Variants in ADAMTSL1 observed in about 807,000 individuals in gnomAD.
ADAMTSL1 encodes ADAMTS-like protein 1.
In ADAMTSL1, 126 loss-of-function variants were observed where a neutral mutation model predicts 201.8. The observed-to-expected ratio is 0.62, with a 90% confidence interval of 0.54 to 0.72. ADAMTSL1 has a LOEUF of 0.72. Among genes scored for constraint, ADAMTSL1 ranks in the 30% least tolerant of loss-of-function variants. ADAMTSL1 has a pLI of 0.00. For missense variants in ADAMTSL1, 2,679 were observed against 2,277.8 expected, an observed-to-expected ratio of 1.18 and a Z score of -3.59; for synonymous variants, 1,121 against 903.4, an observed-to-expected ratio of 1.24 and a Z score of -4.32.
intron 3 of ADAMTSL1, among the ~76,000 whole-genome samples, chr9:18,571,804 C>T (rs1380720279): frequency 6.6e-6 from 1 of 152,160 alleles, no homozygotes; most frequent in African/African-American, 2.4e-5. Context: ...AAGTGGAAGT[C>T]TTATCTTTGG....
intron 2 of ADAMTSL1, among the ~76,000 whole-genome samples, chr9:18,312,231 T>C (rs1162430658): frequency 1.3e-5 from 2 of 152,290 alleles, no homozygotes; most frequent in South Asian, 4.2e-4. Context: ...CTTGACTAGT[T>C]TATCATCTAG....
intron 16 of ADAMTSL1, among the ~76,000 whole-genome samples, chr9:18,762,426 G>A (rs1444474497): frequency 6.6e-6 from 1 of 152,070 alleles, no homozygotes; most frequent in Non-Finnish European, 1.5e-5. Context: ...TTTTGATACA[G>A]GCATGCAATG....
chr9:18,145,136 T>A (rs1300589854), intron 1 of ADAMTSL1, among the ~76,000 whole-genome samples: 1 of 152,166 alleles, frequency 6.6e-6, no homozygotes, highest in African/African-American at 2.4e-5. Flanking sequence ...AAACAACTCT[T>A]AGTGGCATTT....
chr9:18,224,056 C>G (rs1047640311), intron 2 of ADAMTSL1, among the ~76,000 whole-genome samples: 2 of 151,966 alleles, frequency 1.3e-5, no homozygotes, highest in South Asian at 2.1e-4. Flanking sequence ...TTTCCAGAAC[C>G]AAGCCAGAGC....
chr9:18,337,807 A>G (rs1835305829), intron 2 of ADAMTSL1, among the ~76,000 whole-genome samples: 1 of 152,204 alleles, frequency 6.6e-6, no homozygotes, highest in African/African-American at 2.4e-5. Flanking sequence ...TTGTATCTTC[A>G]AAGAGAGACA....
intron 7 of ADAMTSL1, among the ~76,000 whole-genome samples, chr9:18,641,145 C>T (rs1260457420): frequency 6.6e-6 from 1 of 152,020 alleles, no homozygotes; most frequent in Non-Finnish European, 1.5e-5. Flanking sequence ...GCTGTGCCCT[C>T]TACCTGGAAT....
intron 2 of ADAMTSL1, among the ~76,000 whole-genome samples, chr9:18,315,020 T>G (rs1299462714): frequency 2.0e-5 from 3 of 148,570 alleles, no homozygotes; most frequent in Admixed American, 1.3e-4. Flanking sequence ...ATGGTCTCGA[T>G]CTCCTGACCT....
At chr9:18,094,368 T>C (rs930454589) in intron 1 of ADAMTSL1, among the ~76,000 whole-genome samples, 2 of 152,218 alleles carry the variant, frequency 1.3e-5, no homozygotes, top group African/African-American at 4.8e-5. Flanking sequence ...TACCACTGTG[T>C]GGTTCACTGT....
At chr9:18,029,052 GCT>G (rs1820818769) in intron 1 of ADAMTSL1, among the ~76,000 whole-genome samples, 2 of 151,978 alleles carry the variant, frequency 1.3e-5, no homozygotes, top group South Asian at 4.2e-4. Context: ...TCATGATTTG[GCT>G]CTCTGTTTGT....
chr9:18,472,258 A>T (rs1406852062), upstream of ADAMTSL1, among the ~76,000 whole-genome samples: 1 of 152,226 alleles, frequency 6.6e-6, no homozygotes, highest in East Asian at 1.9e-4. Flanking sequence ...CTTTAATGTG[A>T]TGAGGATTTC....
At chr9:18,128,986 A>G (rs748647035) in intron 1 of ADAMTSL1, among the ~76,000 whole-genome samples, 1 of 152,228 alleles carries the variant, frequency 6.6e-6, no homozygotes, top group Non-Finnish European at 1.5e-5. Flanking sequence ...AAAGTCTTCT[A>G]TAAAACAGAC....
intron 2 of ADAMTSL1, among the ~76,000 whole-genome samples, chr9:18,437,954 T>G (rs1819814023): frequency 6.6e-6 from 1 of 152,142 alleles, no homozygotes; most frequent in Non-Finnish European, 1.5e-5. Flanking sequence ...CCCCGGGCAC[T>G]TATACACCCC....
At chr9:18,866,223 T>C (rs1340551693) in intron 23 of ADAMTSL1, among the ~76,000 whole-genome samples, 1 of 150,940 alleles carries the variant, frequency 6.6e-6, no homozygotes, top group African/African-American at 2.5e-5. Context: ...CAGTGAAACA[T>C]GGATAATTAT....
intron 1 of ADAMTSL1, among the ~76,000 whole-genome samples, chr9:18,052,497 T>G (rs1821983326): frequency 6.6e-6 from 1 of 152,116 alleles, no homozygotes; most frequent in South Asian, 2.1e-4. Flanking sequence ...GTGGACGAAT[T>G]TGCTGCTATT....
intron 1 of ADAMTSL1, among the ~76,000 whole-genome samples, chr9:17,970,906 C>T (rs553223055): frequency 3.3e-5 from 5 of 152,098 alleles, no homozygotes; most frequent in Non-Finnish European, 5.9e-5. Flanking sequence ...CCTTGGAGCA[C>T]AGAAAAAGAT....
chr9:18,291,743 TCTCTCACACACACACA>T (rs1833279012), intron 2 of ADAMTSL1, among the ~76,000 whole-genome samples: 3 of 114,648 alleles, frequency 2.6e-5, no homozygotes, highest in Non-Finnish European at 3.7e-5. Flanking sequence ...TCTCTCTCTC[TCTCTCACACACACACA>T]CACACACACA....
At chr9:18,771,705 C>CTTTTTTTTTTTTTTT (rs374268861) in intron 17 of ADAMTSL1, among the ~76,000 whole-genome samples, 1 of 91,732 alleles carries the variant, frequency 1.1e-5, no homozygotes, top group African/African-American at 4.3e-5. Context: ...ACCCCAGTGC[C>CTTTTTTTTTTTTTTT]TTTTTTTTTT....
At chr9:18,142,609 T>G (rs1340636098) in intron 1 of ADAMTSL1, among the ~76,000 whole-genome samples, 2 of 152,034 alleles carry the variant, frequency 1.3e-5, no homozygotes, top group Non-Finnish European at 2.9e-5. Flanking sequence ...GATAAATATA[T>G]CTCTTGCCAC....
At chr9:18,375,498 T>C (rs1372487441) in intron 2 of ADAMTSL1, among the ~76,000 whole-genome samples, 3 of 152,212 alleles carry the variant, frequency 2.0e-5, no homozygotes, top group Non-Finnish European at 4.4e-5. Flanking sequence ...AAGTTTATTT[T>C]AAATTCATTA....
Sources: gnomAD v4.1 joint callset for allele counts (sites outside exome capture counted in the v4.1 genomes callset) on GRCh38, gnomAD v4.1.1 for gene constraint, MANE v1.5 for transcripts, NCBI Gene and HGNC (gene_info 2026-07-23, HGNC 2026-07-21) for gene names.